Variants in TMEM163 observed in about 807,000 individuals in gnomAD.
TMEM163 encodes transmembrane protein 163.
In TMEM163, 17 loss-of-function variants were observed where a neutral mutation model predicts 29.3. That is an observed-to-expected ratio of 0.58 (90% confidence interval 0.40 to 0.87). TMEM163 has a LOEUF of 0.87. Among genes scored for constraint, TMEM163 ranks in the 40% least tolerant of loss-of-function variants. The probability of loss-of-function intolerance (pLI) is 0.00; values close to 1 mark genes in which losing one functional copy is unlikely to be tolerated. For missense variants in TMEM163, 303 were observed against 381.5 expected (o/e 0.79, Z 1.71); for synonymous variants, 157 against 160.6 (o/e 0.98, Z 0.17).
intron 2 of TMEM163, among the ~76,000 whole-genome samples, chr2:134,628,628 A>G (rs1205181613): frequency 6.6e-6 from 1 of 152,260 alleles, no homozygotes; most frequent in Non-Finnish European, 1.5e-5. Context: ...GCCTAGTAGC[A>G]CTTTGCATGT....
At chr2:134,584,643 A>C (rs1681770323) in intron 2 of TMEM163, among the ~76,000 whole-genome samples, 1 of 151,786 alleles carries the variant, frequency 6.6e-6, no homozygotes, top group African/African-American at 2.4e-5. Flanking sequence ...TAGTAAAAAA[A>C]AAAAAAAAAA....
At chr2:134,621,508 T>C (rs977176539) in intron 2 of TMEM163, among the ~76,000 whole-genome samples, 3 of 152,328 alleles carry the variant, frequency 2.0e-5, no homozygotes, top group African/African-American at 7.2e-5. Context: ...TATACATCCA[T>C]GCAAAGCCTT....
At chr2:134,698,949 T>TTGAGCC (rs1160683350) in intron 2 of TMEM163, among the ~76,000 whole-genome samples, 2 of 152,200 alleles carry the variant, frequency 1.3e-5, no homozygotes, top group East Asian at 3.9e-4. Context: ...TGGCTCCACA[T>TTGAGCC]TGAGCCACTG....
chr2:134,520,658 A>C (rs1680172091), intron 4 of TMEM163, among the ~76,000 whole-genome samples: 1 of 152,248 alleles, frequency 6.6e-6, no homozygotes, highest in Non-Finnish European at 1.5e-5. Context: ...GACAGGGTCT[A>C]TAGCTCACCC....
At chr2:134,555,547 C>A (rs1020928003) in intron 2 of TMEM163, among the ~76,000 whole-genome samples, 1 of 152,218 alleles carries the variant, frequency 6.6e-6, no homozygotes, top group Non-Finnish European at 1.5e-5. Flanking sequence ...AAACTGGCAA[C>A]ACATCCACAA....
intron 2 of TMEM163, among the ~76,000 whole-genome samples, chr2:134,565,360 C>T (rs1165430965): frequency 1.3e-5 from 2 of 152,080 alleles, no homozygotes; most frequent in African/African-American, 4.8e-5. Flanking sequence ...ACTCCCAGCA[C>T]TTTGGGAGGC....
chr2:134,523,166 G>A (rs1680223563), intron 4 of TMEM163, among the ~76,000 whole-genome samples: 1 of 152,192 alleles, frequency 6.6e-6, no homozygotes, highest in Admixed American at 6.5e-5. Flanking sequence ...TGTAAAAAGG[G>A]CTTCCAGTTC....
At chr2:134,595,745 G>T (rs914584517) in intron 2 of TMEM163, among the ~76,000 whole-genome samples, 1 of 152,166 alleles carries the variant, frequency 6.6e-6, no homozygotes, top group Non-Finnish European at 1.5e-5. Flanking sequence ...GTGTAAAAGT[G>T]TTCCTATTTC....
intron 2 of TMEM163, among the ~76,000 whole-genome samples, chr2:134,579,494 A>G (rs1681642538): frequency 6.6e-6 from 1 of 152,176 alleles, no homozygotes; most frequent in African/African-American, 2.4e-5. Context: ...AAATGAACAG[A>G]CTCACTGAAT....
intron 5 of TMEM163, among the ~76,000 whole-genome samples, chr2:134,494,915 G>A (rs193191946): frequency 2.3e-4 from 35 of 152,212 alleles, no homozygotes; most frequent in Admixed American, 7.8e-4. Context: ...GAAGACCCCC[G>A]GCAGACACGC....
At chr2:134,663,788 G>A (rs1313504437) in intron 2 of TMEM163, among the ~76,000 whole-genome samples, 1 of 152,246 alleles carries the variant, frequency 6.6e-6, no homozygotes, top group Non-Finnish European at 1.5e-5. Flanking sequence ...CCAGCTAACA[G>A]GTGGCAAAGC....
At chr2:134,505,687 T>C (rs968203527) in intron 4 of TMEM163, among the ~76,000 whole-genome samples, 2 of 152,160 alleles carry the variant, frequency 1.3e-5, no homozygotes, top group African/African-American at 4.8e-5. Context: ...GCCTGCTTCT[T>C]TCTGACAGGG....
intron 5 of TMEM163, among the ~76,000 whole-genome samples, chr2:134,494,920 A>G (rs184999352): frequency 2.3e-3 from 355 of 152,314 alleles, no homozygotes; most frequent in African/African-American, 7.8e-3. Context: ...CCCCCGGCAG[A>G]CACGCTGACT....
chr2:134,712,118 G>A (rs920665099), intron 2 of TMEM163, among the ~76,000 whole-genome samples: 1 of 152,144 alleles, frequency 6.6e-6, no homozygotes, highest in Non-Finnish European at 1.5e-5. Flanking sequence ...GGAATGCATT[G>A]CCCTCCACTT....
chr2:134,480,806 A>T (rs1687035321), intron 5 of TMEM163, among the ~76,000 whole-genome samples: 1 of 143,236 alleles, frequency 7.0e-6, no homozygotes, highest in Non-Finnish European at 1.5e-5. Flanking sequence ...CCTGCCTCCA[A>T]AATGTATCTA....
intron 2 of TMEM163, among the ~76,000 whole-genome samples, chr2:134,645,396 G>A (rs1465971672): frequency 6.6e-6 from 1 of 152,184 alleles, no homozygotes; most frequent in Non-Finnish European, 1.5e-5. Flanking sequence ...TGGAATAGCT[G>A]CAACAGAGAC....
intron 1 of TMEM163, among the ~76,000 whole-genome samples, chr2:134,718,310 C>A (rs1367099098): frequency 2.0e-5 from 3 of 152,216 alleles, no homozygotes; most frequent in Non-Finnish European, 4.4e-5. Flanking sequence ...TCCCAGGCAG[C>A]CGGCGGAGCC....
chr2:134,573,395 G>T (rs750610742), intron 2 of TMEM163, among the ~76,000 whole-genome samples: 2 of 152,006 alleles, frequency 1.3e-5, no homozygotes, highest in Non-Finnish European at 2.9e-5. Flanking sequence ...TTTCTCAACC[G>T]GGGGCACTTT....
chr2:134,705,043 CTACTAAAAA>C (rs1419996781), intron 2 of TMEM163, among the ~76,000 whole-genome samples: 2 of 151,902 alleles, frequency 1.3e-5, no homozygotes, highest in Non-Finnish European at 2.9e-5. Context: ...AACCCCGGCT[CTACTAAAAA>C]TACAAAAACT....
Sources: allele counts gnomAD v4.1 joint callset (sites outside exome capture counted in the v4.1 genomes callset), GRCh38; gene constraint gnomAD v4.1.1; transcripts MANE v1.5; gene names NCBI Gene and HGNC (gene_info 2026-07-23, HGNC 2026-07-21).